The following AHCYL2 variants were observed in gnomAD, a reference collection of about 807,000 sequenced individuals.
AHCYL2 encodes the protein adenosylhomocysteinase like 2, also known as S-adenosylhomocysteine hydrolase-like protein 2.
Under a neutral mutation model 81.4 loss-of-function variants are expected in AHCYL2, and 28 were observed. That is an observed-to-expected ratio of 0.34 (90% CI 0.25 to 0.47). The LOEUF (loss-of-function observed/expected upper bound fraction) is 0.47, where lower values mean the gene tolerates loss of function less well. AHCYL2 is among the 20% of genes least tolerant of loss of function. The probability of loss-of-function intolerance (pLI) is 1.00; values close to 1 mark genes in which losing one functional copy is unlikely to be tolerated. For synonymous variants in AHCYL2, 272 were observed against 290.2 expected (o/e 0.94, Z 0.64); for missense variants, 551 against 785.1 (o/e 0.70, Z 3.56).
chr7:129,301,010 G>A (rs1480485470), intron 1 of AHCYL2, among the ~76,000 whole-genome samples: 3 of 152,006 alleles, frequency 2.0e-5, no homozygotes, highest in Non-Finnish European at 4.4e-5. Flanking sequence ...GTGAAGATGT[G>A]GTTTCACCAT....
chr7:129,375,706 G>A, intron 1 of AHCYL2: 1 of 1,443,708 alleles, frequency 6.9e-7, no homozygotes, highest in Non-Finnish European at 9.0e-7. Context: ...TGAAGGGGTT[G>A]TTGGAGCTGC....
In AHCYL2 at chr7:129,368,625, A is replaced by G; in HGVS notation, c.364-11013A>G. 3 of 1,558,302 alleles carry G rather than the reference A, an allele frequency of 1.9e-6. No homozygotes were observed. The East Asian group carries it at 6.7e-5, about 35-fold the overall frequency. The stretch of plus-strand genomic sequence containing the variant: ...AGGCAACCATTTCTGACGGGTGACA[A>G]GGATCACCTCTGAGAAGCTCCTACC... On this transcript the variant is annotated intron_variant, in intron 1 of 16. Coordinates refer to ENST00000325006, the MANE Select transcript of AHCYL2 (RefSeq NM_015328.4). The surrounding 1 kb of genome is among the most constrained non-coding windows in gnomAD (Gnocchi z 4.4).
chr7:129,306,892 T>C (rs1797463038), intron 1 of AHCYL2, among the ~76,000 whole-genome samples: 1 of 152,206 alleles, frequency 6.6e-6, no homozygotes, highest in Non-Finnish European at 1.5e-5. Flanking sequence ...AAGATCCAGA[T>C]GAATTCTCTG....
chr7:129,321,743 G>GTTTTTTTTTTTTTTTTTTTTGTTTTTGT (rs1798024159), intron 1 of AHCYL2, among the ~76,000 whole-genome samples: 1 of 77,628 alleles, frequency 1.3e-5, no homozygotes, highest in Non-Finnish European at 2.5e-5. Context: ...TTCTTTCTTT[G>GTTTTTTTTTTTTTTTTTTTTGTTTTTGT]TTTTTTTTTT....
chr7:129,305,133 AT>A (rs1192670097), intron 1 of AHCYL2, among the ~76,000 whole-genome samples: 1 of 152,120 alleles, frequency 6.6e-6, no homozygotes, highest in African/African-American at 2.4e-5. Flanking sequence ...GACAACACCG[AT>A]TGTATAAACA....
chr7:129,293,573 G>T (rs552343280), intron 1 of AHCYL2, among the ~76,000 whole-genome samples: 9 of 151,970 alleles, frequency 5.9e-5, no homozygotes, highest in African/African-American at 1.4e-4. Context: ...AGTTACTAGG[G>T]GGGTGGGAGG....
chr7:129,374,296 G>T (rs1248988670), intron 1 of AHCYL2, among the ~76,000 whole-genome samples: 2 of 152,030 alleles, frequency 1.3e-5, no homozygotes, highest in Non-Finnish European at 2.9e-5. Context: ...GTGAGACCTT[G>T]GACAAATCAT....
At chr7:129,296,139 A>G (rs1252394367) in intron 1 of AHCYL2, among the ~76,000 whole-genome samples, 2 of 152,178 alleles carry the variant, frequency 1.3e-5, no homozygotes, top group African/African-American at 4.8e-5. Flanking sequence ...CTCATTTTGG[A>G]GGAATCATGT....
intron 1 of AHCYL2, 31 bp downstream of exon 1, chr7:129,225,470 G>C: frequency 1.4e-6 from 2 of 1,476,644 alleles, no homozygotes; most frequent in Non-Finnish European, 1.8e-6. Flanking sequence ...CTCTAGGAGA[G>C]GAAGGGAGGG....
rs535218314 is a variant in AHCYL2, at chr7:129,305,672, G to GTAC, written c.364-73963_364-73961dup. On this transcript the variant is annotated intron_variant, in intron 1 of 16. Coordinates refer to ENST00000325006, the MANE Select transcript of AHCYL2 (RefSeq NM_015328.4). The stretch of plus-strand genomic sequence containing the variant: ...AACACTTGAATCTGTGTTCTTCTGT[G>GTAC]TACTATTACCAGTGAGTTTTATACC... Among the ~76,000 whole-genome samples the GTAC allele has an allele frequency of 3.8e-3, 580 of 152,252 alleles. 3 individuals are homozygous for GTAC. The highest frequency in any genetic ancestry group is 0.01 in the Admixed American group (154 of 15,292).
chr7:129,416,943 C>A (rs1460639617), intron 12 of AHCYL2, among the ~76,000 whole-genome samples: 2 of 152,104 alleles, frequency 1.3e-5, no homozygotes, highest in African/African-American at 4.8e-5. Context: ...CATAGTGAGA[C>A]CTCATCTCTA....
At position 129,406,526 on chromosome 7, in the gene AHCYL2, G is replaced by T; in HGVS notation, c.1295+60G>T. On this transcript the variant is annotated intron_variant, in intron 10 of 16. Transcript: ENST00000325006. The surrounding 1 kb of genome is among the most constrained non-coding windows in gnomAD (Gnocchi z 4.3). ...CGGAGCTGTCTCCAAAGAATGGCCT[G>T]GTTGATGCCACACTTTATTTTAGAG... The T allele has an allele frequency of 6.7e-7, 1 of 1,491,382 alleles. No individual in the cohort carries two copies. Among genetic ancestry groups the T allele is most frequent in the Non-Finnish European group, 9.4e-7 (1 of 1,068,410 alleles). 92.4% of individuals were successfully genotyped at this position (1,491,382 alleles called of 1,614,324 possible). A position where few individuals can be genotyped will look rare whatever the true frequency, so the allele number is the denominator to read the frequency against.
At chr7:129,425,245 G>C in intron 15 of AHCYL2, 104 bp downstream of exon 15, 1 of 958,020 alleles carries the variant, frequency 1.0e-6, no homozygotes, top group South Asian at 1.4e-5. Context: ...GGGAAAAAAG[G>C]TACCTTCATC....
intron 1 of AHCYL2, among the ~76,000 whole-genome samples, chr7:129,277,582 T>C (rs1384506506): frequency 2.6e-5 from 4 of 152,116 alleles, no homozygotes; most frequent in Admixed American, 2.6e-4. Context: ...GCCTGGCCTC[T>C]CCTGTCTCTA....
intron 1 of AHCYL2, among the ~76,000 whole-genome samples, chr7:129,270,134 A>G (rs990574122): frequency 6.6e-6 from 1 of 152,198 alleles, no homozygotes; most frequent in Non-Finnish European, 1.5e-5. Flanking sequence ...GGTATATCTT[A>G]ATATTTCCTT....
chr7:129,320,937 T>C (rs1427506368), intron 1 of AHCYL2, among the ~76,000 whole-genome samples: 2 of 152,232 alleles, frequency 1.3e-5, no homozygotes, highest in Non-Finnish European at 2.9e-5. Context: ...TTCCTTTTTA[T>C]TGCCAAGTAA....
intron 5 of AHCYL2, among the ~76,000 whole-genome samples, chr7:129,399,582 A>T (rs1254452130): frequency 1.3e-5 from 2 of 152,118 alleles, no homozygotes; most frequent in Non-Finnish European, 2.9e-5. Flanking sequence ...AGAAACACGT[A>T]AGGGTTTTTT....
chr7:129,341,663 C>T (rs1186853149), intron 1 of AHCYL2, among the ~76,000 whole-genome samples: 1 of 151,954 alleles, frequency 6.6e-6, no homozygotes, highest in Non-Finnish European at 1.5e-5. Context: ...AGGTGGGAGG[C>T]AGATGAAGAT....
intron 1 of AHCYL2, among the ~76,000 whole-genome samples, chr7:129,307,701 T>C (rs1465648936): frequency 6.6e-6 from 1 of 151,828 alleles, no homozygotes; most frequent in East Asian, 2.0e-4. Flanking sequence ...AACACAGTCG[T>C]GAATTTGCTG....
Sources: gnomAD v4.1 joint callset for allele counts (sites outside exome capture counted in the v4.1 genomes callset) on GRCh38, gnomAD v4.1.1 for gene constraint, Gnocchi (gnomAD v3.1) non-coding constraint, MANE v1.5 for transcripts, NCBI Gene and HGNC (gene_info 2026-07-23, HGNC 2026-07-21) for gene names.